MTSS1: variants seen among roughly 807,000 people sequenced by gnomAD.
MTSS1 encodes the protein protein MTSS 1.
MTSS1 carries 18 observed loss-of-function variants against 79.0 expected under a neutral mutation model. The ratio of observed to expected loss-of-function variants is 0.23; its 90% CI spans 0.16 to 0.34. MTSS1 has a LOEUF of 0.34. Ranked by LOEUF, MTSS1 falls within the 10% of genes least tolerant of loss-of-function variation. The probability of loss-of-function intolerance (pLI) is 1.00; values close to 1 mark genes in which losing one functional copy is unlikely to be tolerated. For missense variants in MTSS1, 815 were observed against 986.2 expected, an observed-to-expected ratio of 0.83 and a Z score of 2.33; for synonymous variants, 341 against 368.6, an observed-to-expected ratio of 0.93 and a Z score of 0.86.
chr8:124,650,461 G>A (rs774612284), intron 3 of MTSS1, among the ~76,000 whole-genome samples: 86 of 152,296 alleles, frequency 5.6e-4, no homozygotes, highest in Non-Finnish European at 1.0e-3. Context: ...CATATATGGC[G>A]CAGGGCAGGG....
intron 3 of MTSS1, among the ~76,000 whole-genome samples, chr8:124,600,536 A>G (rs1833611686): frequency 6.6e-6 from 1 of 152,178 alleles, no homozygotes; most frequent in African/African-American, 2.4e-5. Flanking sequence ...GAAAATAAGG[A>G]GCACTGGTTA....
intron 3 of MTSS1, among the ~76,000 whole-genome samples, chr8:124,604,412 T>C (rs1167251471): frequency 6.6e-6 from 1 of 151,906 alleles, no homozygotes; most frequent in African/African-American, 2.4e-5. Context: ...GAAACATTAG[T>C]CCTTTAAGCT....
chr8:124,622,067 AG>A (rs72324207), intron 3 of MTSS1, among the ~76,000 whole-genome samples: 34,842 of 143,700 alleles, frequency 0.24, 4,962 homozygotes, highest in African/African-American at 0.41. Context: ...AGAAAGAGAG[AG>A]AGAGAGAGAG....
intron 13 of MTSS1, among the ~76,000 whole-genome samples, chr8:124,554,563 AT>A (rs1823174620): frequency 6.6e-6 from 1 of 152,146 alleles, no homozygotes; most frequent in South Asian, 2.1e-4. Flanking sequence ...TAGCTGTTAG[AT>A]TTTCATCTTG....
rs566132107 is a variant in MTSS1, at chr8:124,569,934, G to A, written c.461-1398C>T. On this transcript the variant is annotated intron_variant, in intron 6 of 13. Coordinates refer to ENST00000518547, the MANE Select transcript of MTSS1 (RefSeq NM_014751.6). ...TCTGCCCCACCGCCTCGCAGGAAGG[G>A]CCCTGCAGTTTCCATCTATCCCTCT... Among the ~76,000 whole-genome samples the A allele has an allele frequency of 1.2e-4, 19 of 152,240 alleles. No homozygotes were observed. In the South Asian group the frequency reaches 3.9e-3, roughly 32 times the overall value.
At chr8:124,697,518 G>A (rs781435975) in intron 3 of MTSS1, among the ~76,000 whole-genome samples, 12 of 151,624 alleles carry the variant, frequency 7.9e-5, no homozygotes, top group South Asian at 4.2e-4. Flanking sequence ...CCAAGATTGC[G>A]CCATTGCACT....
Position 124,728,131 on chromosome 8 carries a change from T to C in MTSS1, c.-176A>G, listed in dbSNP as rs892669163. On this transcript the variant is annotated 5_prime_UTR_variant, in exon 1 of 14. Transcript: ENST00000518547. The surrounding 1 kb of genome is among the most constrained non-coding windows in gnomAD (Gnocchi z 6.1). Reference sequence around the variant, plus strand: ...ACCGACTGTTCTCTGCCCAAAATAATAACAGTAATTTAAAAAGCCAAACCG... The same window carrying C: ...ACCGACTGTTCTCTGCCCAAAATAACAACAGTAATTTAAAAAGCCAAACCG... 1.3e-5 allele frequency: 7 copies of C among 532,460 alleles called. No homozygotes were observed. In the African/African-American group the frequency reaches 1.4e-4, roughly 11 times the overall value. The allele number at this position is 532,460 out of a possible 1,614,324, so 33.0% of individuals were successfully genotyped here. A position where few individuals can be genotyped will look rare whatever the true frequency, so the allele number is the denominator to read the frequency against.
chr8:124,670,453 G>A (rs1823940345), intron 3 of MTSS1, among the ~76,000 whole-genome samples: 2 of 149,340 alleles, frequency 1.3e-5, no homozygotes, highest in African/African-American at 5.0e-5. Context: ...ACACAGCCTG[G>A]CAGGTATGGT....
chr8:124,636,740 C>A (rs984360896), intron 3 of MTSS1, among the ~76,000 whole-genome samples: 4 of 152,162 alleles, frequency 2.6e-5, no homozygotes, highest in Non-Finnish European at 5.9e-5. Flanking sequence ...ACCTAAGCAC[C>A]CATCGCCATT....
intron 5 of MTSS1, among the ~76,000 whole-genome samples, chr8:124,588,793 C>T (rs541409892): frequency 2.6e-5 from 4 of 152,214 alleles, no homozygotes; most frequent in African/African-American, 4.8e-5. Context: ...CTGCTTACTG[C>T]AACCTCTGCC....
intron 3 of MTSS1, among the ~76,000 whole-genome samples, chr8:124,667,452 C>T (rs996904833): frequency 2.3e-4 from 35 of 151,976 alleles, no homozygotes; most frequent in African/African-American, 7.7e-4. Context: ...TGAGACCATC[C>T]TGACCAACAT....
intron 3 of MTSS1, among the ~76,000 whole-genome samples, chr8:124,644,827 C>CAATA (rs1554691877): frequency 6.7e-6 from 1 of 150,064 alleles, no homozygotes; most frequent in African/African-American, 2.4e-5. Context: ...GATTATGATT[C>CAATA]AGTATAAGAG....
intron 6 of MTSS1, chr8:124,580,316 G>C (rs1449800284): frequency 2.0e-6 from 1 of 500,990 alleles, no homozygotes; most frequent in East Asian, 3.2e-5. Flanking sequence ...TGATTCAAAG[G>C]CTCTCAGAGT....
chr8:124,710,491 C>A (rs571753612), intron 1 of MTSS1, among the ~76,000 whole-genome samples: 1 of 152,198 alleles, frequency 6.6e-6, no homozygotes, highest in Non-Finnish European at 1.5e-5. Flanking sequence ...GAGACACCGC[C>A]GAGTGCCTCT....
chr8:124,657,475 C>CAAAA (rs58258455), intron 3 of MTSS1, among the ~76,000 whole-genome samples: 6 of 106,994 alleles, frequency 5.6e-5, no homozygotes, highest in African/African-American at 1.6e-4. Context: ...GCAGAGTCAG[C>CAAAA]AAAAAAAAAA....
intron 1 of MTSS1, among the ~76,000 whole-genome samples, chr8:124,710,031 G>A (rs1830934694): frequency 6.6e-6 from 1 of 152,218 alleles, no homozygotes; most frequent in African/African-American, 2.4e-5. Context: ...ATGAAGGGAG[G>A]AAGGAAAAGT....
chr8:124,680,550 G>A (rs1825961266), intron 3 of MTSS1, among the ~76,000 whole-genome samples: 1 of 151,918 alleles, frequency 6.6e-6, no homozygotes, highest in Non-Finnish European at 1.5e-5. Flanking sequence ...GCCACAAGGA[G>A]GGGCTTCAGG....
chr8:124,607,813 G>A (rs1835128792), intron 3 of MTSS1, among the ~76,000 whole-genome samples: 1 of 152,062 alleles, frequency 6.6e-6, no homozygotes, highest in African/African-American at 2.4e-5. Flanking sequence ...CTTTCTGTTG[G>A]AATTATATAA....
intron 6 of MTSS1, among the ~76,000 whole-genome samples, chr8:124,584,278 C>A (rs931323092): frequency 6.6e-6 from 1 of 152,216 alleles, no homozygotes. Context: ...ACCCACAGAG[C>A]AGCCTGACGG....
Sources: allele counts gnomAD v4.1 joint callset (sites outside exome capture counted in the v4.1 genomes callset), GRCh38; gene constraint gnomAD v4.1.1; non-coding constraint Gnocchi (gnomAD v3.1); transcripts MANE v1.5; gene names NCBI Gene and HGNC (gene_info 2026-07-23, HGNC 2026-07-21).